SLC7A1: variants seen among roughly 807,000 people sequenced by gnomAD.
The protein encoded by SLC7A1 is high affinity cationic amino acid transporter 1.
SLC7A1 carries 10 observed loss-of-function variants against 53.9 expected under a neutral mutation model. The observed-to-expected ratio is 0.19, with a 90% CI of 0.11 to 0.31. The LOEUF is 0.31. Ranked by LOEUF, SLC7A1 falls within the 10% of genes least tolerant of loss-of-function variation. The pLI is 1.00. For missense variants in SLC7A1, 525 were observed against 827.2 expected (o/e 0.63, Z 4.48); for synonymous variants, 342 against 338.7 (o/e 1.01, Z -0.11).
intron 1 of SLC7A1, among the ~76,000 whole-genome samples, chr13:29,569,077 C>T (rs898156378): frequency 7.9e-5 from 12 of 152,128 alleles, no homozygotes; most frequent in African/African-American, 2.9e-4. Flanking sequence ...TTGTTTTTGT[C>T]CTCAGCTCAG....
Position 29,532,925 on chromosome 13 carries a change from G to A in SLC7A1, c.428C>T (p.Pro143Leu). The A allele has an allele frequency of 6.2e-7, 1 of 1,614,118 alleles. No homozygotes were observed. The highest frequency in any genetic ancestry group is 8.5e-7 in the Non-Finnish European group (1 of 1,180,004). ...SATFDELIGRPIGEFSRTHMT... is the reference protein window; with the variant it reads ...SATFDELIGRLIGEFSRTHMT... ...GTGTGTCCGTGAGAACTCCCCGATG[G>A]GTCTGCCTATCAGCTCGTCGAAGGT... The change falls in exon 4 of 13, where the codon CCC becomes CTC. Residue 143 changes from proline (P) to leucine (L), a missense_variant. Around this residue, in one of 4 missense-constraint regions of SLC7A1, gnomAD observed 354 missense variants for 587.5 expected, o/e 0.60. Transcript: ENST00000380752.
chr13:29,524,313 G>A, intron 5 of SLC7A1, 60 bp from the exon 6 acceptor site: 2 of 1,606,460 alleles, frequency 1.2e-6, no homozygotes, highest in Non-Finnish European at 1.7e-6. Context: ...GGCGTAAGGA[G>A]CTGTGCTCAT....
chr13:29,553,254 A>AC (rs1364909623), intron 2 of SLC7A1, among the ~76,000 whole-genome samples: 2 of 152,248 alleles, frequency 1.3e-5, no homozygotes, highest in Non-Finnish European at 2.9e-5. Flanking sequence ...GCAGCCCTTG[A>AC]CCTTGAGAAG....
Position 29,520,857 on chromosome 13 carries a change from G to T in SLC7A1, c.1190-1308C>A, listed in dbSNP as rs1868603438. On this transcript the variant is annotated intron_variant, in intron 8 of 12. Transcript: ENST00000380752. ...ACAAATGCCGATGTTCCTACTCACG[G>T]GAAACTTGAGACTAATTTCTTCCAT... Among the ~76,000 whole-genome samples, 3 of 152,154 alleles carry T rather than the reference G, an allele frequency of 2.0e-5. No individual in the cohort carries two copies. In the South Asian group the frequency reaches 6.2e-4, roughly 32 times the overall value.
intron 11 of SLC7A1, 200 bp downstream of exon 11, chr13:29,516,944 G>A (rs1315685753): frequency 4.0e-6 from 2 of 498,846 alleles, no homozygotes; most frequent in Non-Finnish European, 7.0e-6. Context: ...GAAACGTCCA[G>A]GGGAGAAGGG....
chr13:29,590,309 A>G (rs1872056035), intron 1 of SLC7A1, among the ~76,000 whole-genome samples: 1 of 152,136 alleles, frequency 6.6e-6, no homozygotes, highest in African/African-American at 2.4e-5. Flanking sequence ...GAGTAATTTG[A>G]ACAACATGTT....
intron 1 of SLC7A1, among the ~76,000 whole-genome samples, chr13:29,576,135 C>A (rs1168276521): frequency 7.3e-5 from 11 of 151,602 alleles, no homozygotes; most frequent in African/African-American, 2.7e-4. Context: ...AAAAACTATT[C>A]TAAAAAATTA....
At chr13:29,547,069 G>C (rs1869952649) in intron 2 of SLC7A1, among the ~76,000 whole-genome samples, 1 of 152,116 alleles carries the variant, frequency 6.6e-6, no homozygotes, top group Admixed American at 6.5e-5. Flanking sequence ...TCCCTGCCAG[G>C]TGCCAAACTG....
chr13:29,537,059 C>G (rs577480692), intron 2 of SLC7A1, among the ~76,000 whole-genome samples: 3 of 152,146 alleles, frequency 2.0e-5, no homozygotes, highest in Non-Finnish European at 4.4e-5. Flanking sequence ...CGACCAGATG[C>G]GACAGGTGAG....
At chr13:29,567,007 C>G (rs1011205894) in intron 1 of SLC7A1, among the ~76,000 whole-genome samples, 4 of 152,212 alleles carry the variant, frequency 2.6e-5, no homozygotes, top group Admixed American at 2.6e-4. Flanking sequence ...GCTCTCCACT[C>G]TACTTGCACA....
At chr13:29,563,275 A>G (rs1243049858) in intron 1 of SLC7A1, among the ~76,000 whole-genome samples, 3 of 152,256 alleles carry the variant, frequency 2.0e-5, no homozygotes, top group African/African-American at 7.2e-5. Context: ...TTCCCTCAAC[A>G]AAGAATGATC....
intron 2 of SLC7A1, among the ~76,000 whole-genome samples, chr13:29,551,350 C>T (rs950361253): frequency 6.6e-6 from 1 of 152,182 alleles, no homozygotes; most frequent in Non-Finnish European, 1.5e-5. Flanking sequence ...CAAGCGTGGC[C>T]AAGACCGAAA....
intron 9 of SLC7A1, among the ~76,000 whole-genome samples, chr13:29,518,311 T>C (rs970164949): frequency 2.6e-5 from 4 of 152,194 alleles, no homozygotes; most frequent in African/African-American, 4.8e-5. Flanking sequence ...AATAATTCTA[T>C]GTGGCTTGTT....
chr13:29,568,874 C>G (rs1406424360), intron 1 of SLC7A1, among the ~76,000 whole-genome samples: 2 of 152,098 alleles, frequency 1.3e-5, no homozygotes, highest in Non-Finnish European at 2.9e-5. Flanking sequence ...CAACTCAAGT[C>G]CTAATACACC....
chr13:29,561,393 A>G (rs1665506892), intron 1 of SLC7A1, among the ~76,000 whole-genome samples: 1 of 152,150 alleles, frequency 6.6e-6, no homozygotes, highest in South Asian at 2.1e-4. Context: ...AAGTCAACCA[A>G]TAGCTACAAC....
chr13:29,566,213 A>C (rs927541815), intron 1 of SLC7A1, among the ~76,000 whole-genome samples: 1 of 152,250 alleles, frequency 6.6e-6, no homozygotes, highest in Non-Finnish European at 1.5e-5. Flanking sequence ...ACGGAAGAAC[A>C]AAACAACTAA....
chr13:29,556,692 C>G (rs949781680), intron 1 of SLC7A1, among the ~76,000 whole-genome samples: 4 of 152,272 alleles, frequency 2.6e-5, no homozygotes, highest in Non-Finnish European at 5.9e-5. Flanking sequence ...ATTTTAATTT[C>G]CAATTCATAA....
intron 1 of SLC7A1, among the ~76,000 whole-genome samples, chr13:29,557,018 C>T (rs1219115591): frequency 6.6e-6 from 1 of 152,250 alleles, no homozygotes; most frequent in Non-Finnish European, 1.5e-5. Flanking sequence ...ATGAACTCAT[C>T]AGGATTAATG....
chr13:29,568,406 C>T (rs1871057102), intron 1 of SLC7A1, among the ~76,000 whole-genome samples: 1 of 152,248 alleles, frequency 6.6e-6, no homozygotes, highest in Non-Finnish European at 1.5e-5. Flanking sequence ...AAACTCACAT[C>T]CACCACTCAG....
Sources: gnomAD v4.1 joint callset for allele counts (sites outside exome capture counted in the v4.1 genomes callset) on GRCh38, gnomAD v4.1.1 for gene constraint, gnomAD v4.1.1 regional missense constraint, MANE v1.5 for transcripts, NCBI Gene and HGNC (gene_info 2026-07-23, HGNC 2026-07-21) for gene names.